Variants in NXPE2 observed in about 807,000 individuals in gnomAD.
NXPE2 encodes neurexophilin and PC-esterase domain family member 2.
In NXPE2, 34 loss-of-function variants were observed where a neutral mutation model predicts 34.4. The ratio of observed to expected loss-of-function variants is 0.99; its 90% confidence interval spans 0.75 to 1.31. The LOEUF (loss-of-function observed/expected upper bound fraction) is 1.31, where lower values mean the gene tolerates loss of function less well. Among genes scored for constraint, NXPE2 ranks in the 40% most tolerant of loss-of-function variants. The probability of loss-of-function intolerance (pLI) is 0.00; values close to 1 mark genes in which losing one functional copy is unlikely to be tolerated. For missense variants in NXPE2, 649 were observed against 672.5 expected (o/e 0.97, Z 0.39); for synonymous variants, 235 against 231.3 (o/e 1.02, Z -0.15).
chr11:114,797,563 C>CA, the NXPE2 span, among the ~76,000 whole-genome samples: 1 of 152,196 alleles, frequency 6.6e-6, no homozygotes, highest in East Asian at 1.9e-4. Flanking sequence ...TCAGGCTCAG[C>CA]ACCCTTTCCC....
At chr11:114,508,894 A>G in the NXPE2 span, among the ~76,000 whole-genome samples, 4 of 152,210 alleles carry the variant, frequency 2.6e-5, no homozygotes, top group African/African-American at 9.7e-5. Context: ...AAAATTGACA[A>G]ATGGGATCTA....
the NXPE2 span, among the ~76,000 whole-genome samples, chr11:114,628,582 T>C: frequency 4.7e-5 from 7 of 148,998 alleles, no homozygotes; most frequent in African/African-American, 7.5e-5. Flanking sequence ...AGATCCAAAA[T>C]TGACACCCTA....
chr11:114,619,523 C>T, the NXPE2 span, among the ~76,000 whole-genome samples: 2 of 150,524 alleles, frequency 1.3e-5, no homozygotes, highest in African/African-American at 4.9e-5. Flanking sequence ...CACTGTTACC[C>T]GGTGGAGGAT....
chr11:114,744,743 G>A, the NXPE2 span, among the ~76,000 whole-genome samples: 3 of 152,142 alleles, frequency 2.0e-5, no homozygotes, highest in Admixed American at 1.3e-4. Flanking sequence ...CCAGGAGGTT[G>A]AGGCTGCAGT....
the NXPE2 span, among the ~76,000 whole-genome samples, chr11:114,809,947 A>C: frequency 2.0e-5 from 3 of 149,382 alleles, no homozygotes; most frequent in Non-Finnish European, 4.4e-5. Flanking sequence ...ACTATACTAC[A>C]CGGCTACAGT....
chr11:114,483,364 A>T, the NXPE2 span, among the ~76,000 whole-genome samples: 453 of 152,312 alleles, frequency 3.0e-3, 4 homozygotes, highest in Non-Finnish European at 3.4e-3. Context: ...TTGTGTTCAA[A>T]TCTTAGCTCT....
rs371375364 is a variant in NXPE2, at chr11:114,705,834, A to C, written c.982A>C (p.Ser328Arg). The C allele has an allele frequency of 1.3e-6, 2 of 1,540,604 alleles. No homozygotes were observed. Among genetic ancestry groups the C allele is most frequent in the South Asian group, 2.4e-5 (2 of 82,134 alleles). Residue 328 changes from serine to arginine, a missense_variant, in exon 5 of 6, where the codon AGT becomes CGT. By Grantham distance (110) the Ser-to-Arg change is moderately radical. Transcript: ENST00000389586. Reference protein sequence around the residue: ...CQIGMKTPFPSGYTLKKMWIT... With the variant: ...CQIGMKTPFPRGYTLKKMWIT... ...GATTGGAATGAAGACTCCTTTCCCC[A>C]GTGGTTATACTTTGAAAAAAATGTG...
chr11:114,567,840 T>A, the NXPE2 span, among the ~76,000 whole-genome samples: 1 of 152,186 alleles, frequency 6.6e-6, no homozygotes, highest in African/African-American at 2.4e-5. Context: ...CTTGGACATT[T>A]TTACAATGTT....
chr11:114,747,408 G>A, the NXPE2 span, among the ~76,000 whole-genome samples: 1 of 152,124 alleles, frequency 6.6e-6, no homozygotes, highest in Admixed American at 6.6e-5. Flanking sequence ...AGTGATACAT[G>A]TCACTTGATT....
chr11:114,733,182 C>T, the NXPE2 span, among the ~76,000 whole-genome samples: 12 of 152,244 alleles, frequency 7.9e-5, no homozygotes, highest in South Asian at 8.3e-4. Flanking sequence ...CTGCAAGCTC[C>T]GCCTCCCGGA....
At chr11:114,676,975 C>A (rs1395590987), upstream of NXPE2, among the ~76,000 whole-genome samples, 5 of 151,916 alleles carry the variant, frequency 3.3e-5, no homozygotes, top group African/African-American at 1.2e-4. Context: ...CATGGGTGAA[C>A]CTGGAGGACA....
chr11:114,799,860 C>CATCTCACCCTCCCTCCCTTT, the NXPE2 span, among the ~76,000 whole-genome samples: 1 of 151,372 alleles, frequency 6.6e-6, no homozygotes, highest in African/African-American at 2.4e-5. Context: ...TCCCTCCCTT[C>CATCTCACCCTCCCTCCCTTT]ATCTCACCCT....
chr11:114,570,570 A>G, the NXPE2 span: 32,543 of 159,908 alleles, frequency 0.2, 4,389 homozygotes, highest in African/African-American at 0.38. Context: ...GTCTTTAGTG[A>G]TAGAAATAAA....
the NXPE2 span, chr11:114,583,756 G>A: frequency 4.1e-6 from 2 of 490,328 alleles, no homozygotes; most frequent in Admixed American, 4.6e-5. Flanking sequence ...AGTATCACCA[G>A]AGGGTGTTGT....
the NXPE2 span, chr11:114,580,395 G>T: frequency 6.8e-7 from 1 of 1,473,692 alleles, no homozygotes; most frequent in Non-Finnish European, 9.5e-7. Flanking sequence ...CCGTCAGTAT[G>T]TATTAAGAGC....
At chr11:114,516,999 A>T in the NXPE2 span, among the ~76,000 whole-genome samples, 335 of 152,212 alleles carry the variant, frequency 2.2e-3, 1 homozygote, top group African/African-American at 6.3e-3. Flanking sequence ...TCTCTATATC[A>T]TCGTTAATGA....
the NXPE2 span, among the ~76,000 whole-genome samples, chr11:114,634,851 G>C: frequency 3.3e-5 from 5 of 152,052 alleles, no homozygotes; most frequent in Non-Finnish European, 5.9e-5. Flanking sequence ...GTGCTATGCT[G>C]TTTTGGTTAC....
the NXPE2 span, among the ~76,000 whole-genome samples, chr11:114,539,218 G>T: frequency 0.23 from 34,144 of 150,088 alleles, 5,421 homozygotes; most frequent in African/African-American, 0.44. Flanking sequence ...TCACTCATAG[G>T]TGGGAATTGA....
At chr11:114,810,949 C>T in the NXPE2 span, among the ~76,000 whole-genome samples, 361 of 151,470 alleles carry the variant, frequency 2.4e-3, no homozygotes, top group African/African-American at 8.3e-3. Context: ...AAATGTCCAA[C>T]GATAGACTGG....
Sources: allele counts gnomAD v4.1 joint callset (sites outside exome capture counted in the v4.1 genomes callset), GRCh38; gene constraint gnomAD v4.1.1; transcripts MANE v1.5; gene names NCBI Gene and HGNC (gene_info 2026-07-23, HGNC 2026-07-21).